SMYD3: variants seen among roughly 807,000 people sequenced by gnomAD.
The protein encoded by SMYD3 is histone-lysine N-methyltransferase SMYD3.
Under a neutral mutation model 57.7 loss-of-function variants are expected in SMYD3, and 36 were observed. The ratio of observed to expected loss-of-function variants is 0.62; its 90% CI spans 0.48 to 0.82. SMYD3 has a LOEUF of 0.82. Among genes scored for constraint, SMYD3 ranks in the 40% least tolerant of loss-of-function variants. The pLI is 0.00. For missense variants in SMYD3, 515 were observed against 538.8 expected (o/e 0.96, Z 0.44); for synonymous variants, 211 against 195.0 (o/e 1.08, Z -0.68).
chr1:245,972,166 C>G (rs2058318210), intron 5 of SMYD3, among the ~76,000 whole-genome samples: 1 of 152,214 alleles, frequency 6.6e-6, no homozygotes, highest in African/African-American at 2.4e-5. Flanking sequence ...CTCCTAAAAG[C>G]AGGCAAGAAA....
In SMYD3 at chr1:246,000,439, C is replaced by T. The variant is rs191499939; in HGVS notation, c.532-70502G>A. ...GGATATTACTTCCTTCCCTTCTCTC[C>T]CACTGGGGTAGAAAGGGCTGTGGTC... On this transcript the variant is annotated intron_variant, in intron 5 of 11. Coordinates refer to ENST00000490107, the MANE Select transcript of SMYD3 (RefSeq NM_001167740.2). Among the ~76,000 whole-genome samples, 11 of 152,280 alleles carry T rather than the reference C, an allele frequency of 7.2e-5. No individual in the cohort carries two copies. In the East Asian group the frequency reaches 2.1e-3, roughly 29 times the overall value.
chr1:245,934,981 A>G (rs1169648247), intron 5 of SMYD3, among the ~76,000 whole-genome samples: 1 of 152,142 alleles, frequency 6.6e-6, no homozygotes, highest in Non-Finnish European at 1.5e-5. Flanking sequence ...ACGTTATTTC[A>G]TTTGCAAACC....
intron 10 of SMYD3, among the ~76,000 whole-genome samples, chr1:245,768,217 T>A (rs1418261220): frequency 6.6e-6 from 1 of 152,174 alleles, no homozygotes; most frequent in African/African-American, 2.4e-5. Context: ...TGGCCTAGAT[T>A]GGAAAAAAAT....
chr1:246,432,309 T>C (rs2067308809), intron 1 of SMYD3, among the ~76,000 whole-genome samples: 1 of 152,222 alleles, frequency 6.6e-6, no homozygotes, highest in African/African-American at 2.4e-5. Context: ...AAAAATTAAG[T>C]TGCTTTAATG....
chr1:245,757,657 C>A (rs1190195096), intron 11 of SMYD3, among the ~76,000 whole-genome samples: 1 of 152,044 alleles, frequency 6.6e-6, no homozygotes, highest in African/African-American at 2.4e-5. Flanking sequence ...ATGCAGCTTC[C>A]CCAACACTAT....
intron 5 of SMYD3, among the ~76,000 whole-genome samples, chr1:246,106,184 A>C (rs6686676): frequency 0.16 from 25,025 of 152,062 alleles, 3,713 homozygotes; most frequent in African/African-American, 0.4. Flanking sequence ...GGGTTTAAGC[A>C]CTCAAAATAC....
At chr1:246,388,050 G>A (rs1330485206) in intron 1 of SMYD3, among the ~76,000 whole-genome samples, 3 of 62,522 alleles carry the variant, frequency 4.8e-5, no homozygotes, top group African/African-American at 1.9e-4. Context: ...AAATCACCTC[G>A]AGGTTGAAGT....
At chr1:246,000,334 A>C (rs1280710332) in intron 5 of SMYD3, among the ~76,000 whole-genome samples, 1 of 152,190 alleles carries the variant, frequency 6.6e-6, no homozygotes, top group Non-Finnish European at 1.5e-5. Context: ...GGGAAGAGAC[A>C]ACAGAAAGGA....
At chr1:246,219,080 T>C (rs747228475) in intron 5 of SMYD3, among the ~76,000 whole-genome samples, 10 of 152,158 alleles carry the variant, frequency 6.6e-5, no homozygotes, top group Non-Finnish European at 1.2e-4. Context: ...CCTCCAACTA[T>C]TGATAGGGAC....
At chr1:246,106,287 C>T (rs145646875) in intron 5 of SMYD3, among the ~76,000 whole-genome samples, 3 of 152,332 alleles carry the variant, frequency 2.0e-5, no homozygotes, top group Middle Eastern at 6.8e-3. Flanking sequence ...GATAAAATCC[C>T]TGAGGTTATA....
At chr1:246,375,243 T>C (rs985225114) in intron 1 of SMYD3, among the ~76,000 whole-genome samples, 3 of 151,998 alleles carry the variant, frequency 2.0e-5, no homozygotes, top group South Asian at 4.1e-4. Context: ...TGGCTCAGTA[T>C]TGGCTAATTC....
At chr1:246,274,832 T>C (rs1030714212) in intron 5 of SMYD3, among the ~76,000 whole-genome samples, 4 of 152,052 alleles carry the variant, frequency 2.6e-5, no homozygotes, top group African/African-American at 9.7e-5. Context: ...AATAATGCCC[T>C]ATAAATGTTA....
chr1:246,430,840 T>A (rs1354527556), intron 1 of SMYD3, among the ~76,000 whole-genome samples: 1 of 152,052 alleles, frequency 6.6e-6, no homozygotes, highest in Non-Finnish European at 1.5e-5. Context: ...ATTAGTGGAA[T>A]GAGCAGAAGA....
At chr1:246,230,990 A>G (rs1253808951) in intron 5 of SMYD3, among the ~76,000 whole-genome samples, 5 of 152,184 alleles carry the variant, frequency 3.3e-5, no homozygotes, top group African/African-American at 1.2e-4. Context: ...TGACAGAACT[A>G]TTTATCATAT....
intron 8 of SMYD3, among the ~76,000 whole-genome samples, chr1:245,900,758 G>T (rs1301385752): frequency 6.6e-6 from 1 of 152,146 alleles, no homozygotes; most frequent in Non-Finnish European, 1.5e-5. Context: ...ATTCACTCAA[G>T]AATTTTCTGA....
chr1:245,872,336 C>CG (rs2052243998), intron 8 of SMYD3, among the ~76,000 whole-genome samples: 2 of 150,110 alleles, frequency 1.3e-5, no homozygotes, highest in African/African-American at 4.9e-5. Flanking sequence ...CTCGCAAGAG[C>CG]CCAAAGTTCC....
At chr1:246,175,760 T>C (rs1159752085) in intron 5 of SMYD3, among the ~76,000 whole-genome samples, 1 of 152,222 alleles carries the variant, frequency 6.6e-6, no homozygotes, top group Non-Finnish European at 1.5e-5. Flanking sequence ...GCATGTGTGA[T>C]TGTCAAGTGG....
intron 5 of SMYD3, among the ~76,000 whole-genome samples, chr1:246,143,815 C>T (rs933133893): frequency 1.3e-5 from 2 of 152,180 alleles, no homozygotes; most frequent in African/African-American, 2.4e-5. Flanking sequence ...AGGTCAACAC[C>T]ATTTACCTAT....
intron 5 of SMYD3, among the ~76,000 whole-genome samples, chr1:246,089,137 C>T (rs541877389): frequency 6.6e-6 from 1 of 152,026 alleles, no homozygotes; most frequent in South Asian, 2.1e-4. Flanking sequence ...ACCACCATGC[C>T]CAGCTAATTT....
Sources: allele counts gnomAD v4.1 joint callset (sites outside exome capture counted in the v4.1 genomes callset), GRCh38; gene constraint gnomAD v4.1.1; transcripts MANE v1.5; gene names NCBI Gene and HGNC (gene_info 2026-07-23, HGNC 2026-07-21).